Variants in PIK3R6 observed in about 807,000 individuals in gnomAD.
PIK3R6 encodes phosphoinositide-3-kinase regulatory subunit 6, also known as phosphoinositide 3-kinase regulatory subunit 6.
PIK3R6 carries 91 observed loss-of-function variants against 84.9 expected under a neutral mutation model. The ratio of observed to expected loss-of-function variants is 1.07; its 90% CI spans 0.90 to 1.28. The LOEUF (loss-of-function observed/expected upper bound fraction) is 1.28, where lower values mean the gene tolerates loss of function less well. Ranked by LOEUF, PIK3R6 falls within the 50% of genes most tolerant of loss-of-function variation. PIK3R6 has a pLI of 0.00. For missense variants in PIK3R6, 996 were observed against 985.1 expected, an observed-to-expected ratio of 1.01 and a Z score of -0.15; for synonymous variants, 416 against 411.4, an observed-to-expected ratio of 1.01 and a Z score of -0.13.
rs2088486040 is a variant in PIK3R6, at chr17:8,836,874, G to T, written c.308C>A (p.Thr103Lys). The change falls in exon 6 of 20, where the codon ACA becomes AAA. Residue 103 changes from threonine (T) to lysine (K), a missense_variant. Coordinates refer to ENST00000619866, the MANE Select transcript of PIK3R6 (RefSeq NM_001010855.4). ...GGGGGTGGGCAGGGTCAGTAACCTT[G>T]TGCAAAAGGCATAGATTCTCTGGTA... is the stretch of plus-strand genomic sequence containing the variant. ...ELYQRIYAFCTRLLTLPTPYC... is the reference protein window; with the variant it reads ...ELYQRIYAFCKRLLTLPTPYC... 1 of 1,565,430 alleles carries T rather than the reference G, an allele frequency of 6.4e-7. No individual in the cohort carries two copies. The highest frequency in any genetic ancestry group is 8.7e-7 in the Non-Finnish European group (1 of 1,154,742).
chr17:8,829,454 CCACA>C (rs770578171), intron 10 of PIK3R6, among the ~76,000 whole-genome samples: 2 of 137,996 alleles, frequency 1.4e-5, no homozygotes, highest in Non-Finnish European at 3.1e-5. Flanking sequence ...TGACACGCAT[CCACA>C]CACATACACT....
intron 8 of PIK3R6, among the ~76,000 whole-genome samples, chr17:8,834,684 C>T (rs1010153300): frequency 6.6e-6 from 1 of 152,064 alleles, no homozygotes. Context: ...TGAACCACCA[C>T]ACCAGGCTCT....
At chr17:8,857,715 A>G (rs534256059) in intron 1 of PIK3R6, among the ~76,000 whole-genome samples, 17 of 152,214 alleles carry the variant, frequency 1.1e-4, no homozygotes, top group Admixed American at 2.6e-4. Flanking sequence ...CCTAGCTAAC[A>G]TGGTGAAACC....
At chr17:8,837,941 T>A in intron 4 of PIK3R6, 70 bp from the exon 5 acceptor site, 1 of 1,409,608 alleles carries the variant, frequency 7.1e-7, no homozygotes, top group Non-Finnish European at 1.0e-6. Flanking sequence ...GGAGGCAGTC[T>A]AGGCTGGGAG....
chr17:8,828,063 C>T (rs2088007208), intron 12 of PIK3R6, 49 bp downstream of exon 12: 2 of 1,572,686 alleles, frequency 1.3e-6, no homozygotes, highest in Non-Finnish European at 1.7e-6. Context: ...TGTCCCTGCC[C>T]AGCCTGCCCT....
intron 18 of PIK3R6, among the ~76,000 whole-genome samples, chr17:8,817,280 T>C (rs1439017595): frequency 6.6e-6 from 1 of 152,166 alleles, no homozygotes. Flanking sequence ...TTGGGACTAC[T>C]AGTGAAAGTA....
intron 18 of PIK3R6, among the ~76,000 whole-genome samples, chr17:8,805,393 C>T (rs559677753): frequency 2.6e-5 from 4 of 152,276 alleles, no homozygotes; most frequent in East Asian, 1.9e-4. Context: ...GCAATGAAGT[C>T]CCAGGTGTCA....
intron 1 of PIK3R6, among the ~76,000 whole-genome samples, chr17:8,856,834 A>G (rs894461918): frequency 2.0e-5 from 3 of 151,806 alleles, no homozygotes; most frequent in African/African-American, 7.3e-5. Flanking sequence ...CTTATTTTTT[A>G]CTGTGTAACA....
At position 8,839,728 on chromosome 17, in the gene PIK3R6, A is replaced by C; in HGVS notation, c.14-31T>G. On this transcript the variant is annotated intron_variant, in intron 2 of 19. Transcript: ENST00000619866. This position sits in a 1 kb window ranked among gnomAD's most constrained non-coding sequence, Gnocchi z 4.2. The stretch of plus-strand genomic sequence containing the variant: ...CAGTGGTAGGGGTGGGAGGAAACTC[A>C]GTCCACTGAACCTCACCCTCGTCCC... 2 of 1,524,480 alleles carry C rather than the reference A, an allele frequency of 1.3e-6. No homozygotes were observed. The highest frequency in any genetic ancestry group is 1.8e-6 in the Non-Finnish European group (2 of 1,123,528). 94.4% of individuals were successfully genotyped at this position (1,524,480 alleles called of 1,614,324 possible).
chr17:8,860,226 G>C (rs1229212002), intron 1 of PIK3R6, among the ~76,000 whole-genome samples: 1 of 152,096 alleles, frequency 6.6e-6, no homozygotes, highest in Non-Finnish European at 1.5e-5. Flanking sequence ...TAGGAACTAG[G>C]GACACAGCAG....
chr17:8,829,621 T>G (rs1006093902), intron 10 of PIK3R6, 85 bp downstream of exon 10: 1 of 1,317,348 alleles, frequency 7.6e-7, no homozygotes, highest in Non-Finnish European at 1.0e-6. Flanking sequence ...GACACACGCA[T>G]GCACACTGAC....
At chr17:8,859,299 C>T (rs2089215538) in intron 1 of PIK3R6, among the ~76,000 whole-genome samples, 1 of 78 alleles carries the variant, frequency 0.013, no homozygotes, top group Non-Finnish European at 0.026. Flanking sequence ...ATAGTCCTTG[C>T]CCCCTGGGGT....
chr17:8,829,900 ACT>A, intron 9 of PIK3R6, 108 bp from the exon 10 acceptor site: 1 of 800,456 alleles, frequency 1.2e-6, no homozygotes, highest in Non-Finnish European at 1.9e-6. Flanking sequence ...GGTGGCAGGG[ACT>A]CTCTCCTTCA....
At chr17:8,825,574 G>A (rs1352057192) in intron 13 of PIK3R6, among the ~76,000 whole-genome samples, 2 of 152,314 alleles carry the variant, frequency 1.3e-5, no homozygotes. Context: ...TTTAGCAAAT[G>A]ATAAAAGTGG....
In PIK3R6 at chr17:8,853,409, C is replaced by T. The variant is rs1347539475; in HGVS notation, c.-91-3524G>A. Reference sequence around the variant, plus strand: ...CTGAGGCAGGAGAATGGTGTGAACTCGGGCAGTGGAGCTTGCAGTGAGCCG... The same window carrying T: ...CTGAGGCAGGAGAATGGTGTGAACTTGGGCAGTGGAGCTTGCAGTGAGCCG... On this transcript the variant is annotated intron_variant, in intron 1 of 19. Coordinates refer to ENST00000619866, the MANE Select transcript of PIK3R6 (RefSeq NM_001010855.4). 8.2e-5 allele frequency among the ~76,000 whole-genome samples: 12 copies of T among 147,022 alleles called. No homozygotes were observed. The South Asian group carries it at 1.3e-3, about 16-fold the overall frequency.
rs755858086 is a variant in PIK3R6, at chr17:8,828,917, C to A, written c.963G>T (p.Leu321=). 12 of 1,538,344 alleles carry A rather than the reference C, an allele frequency of 7.8e-6. No homozygotes were observed. In the Admixed American group the frequency reaches 2.5e-4, roughly 32 times the overall value. The change falls in exon 11 of 20, where the codon CTG becomes CTT. Residue 321 remains leucine, a synonymous_variant. Transcript: ENST00000619866. ...RLSADLEVLD[L]QGLRPDRELA... ...ACTCCCGGTCCGGCCGGAGGCCCTG[C>A]AGATCCAAGACCTCCAAGTCAGCAC... is the stretch of plus-strand genomic sequence containing the variant.
chr17:8,838,714 C>T, intron 3 of PIK3R6, 59 bp from the exon 4 acceptor site: 1 of 1,488,882 alleles, frequency 6.7e-7, no homozygotes, highest in Non-Finnish European at 9.1e-7. Context: ...AGAGGAGACC[C>T]CTCTGAGCAG....
Position 8,836,791 on chromosome 17 carries a change from C to A in PIK3R6, c.391G>T (p.Gly131Trp). The change falls in exon 6 of 20, where the codon GGG becomes TGG. Residue 131 changes from glycine (G) to tryptophan (W), a missense_variant and splice_region_variant. Transcript: ENST00000619866. ...IRLKTEMAVP[G>W]TLYQRMVIAE... ...GACAAAGATGCCCAGTGACTCTTACCTGGGACAGCCATCTCCGTTTTCAGC... is the reference window on the plus strand; with the variant it reads ...GACAAAGATGCCCAGTGACTCTTACATGGGACAGCCATCTCCGTTTTCAGC... The A allele has an allele frequency of 6.2e-7, 1 of 1,610,240 alleles. No homozygotes were observed. Among genetic ancestry groups the A allele is most frequent in the Non-Finnish European group, 8.5e-7 (1 of 1,178,228 alleles).
chr17:8,829,203 GCACA>G (rs201003788), intron 10 of PIK3R6, among the ~76,000 whole-genome samples: 4 of 128,910 alleles, frequency 3.1e-5, no homozygotes, highest in African/African-American at 9.5e-5. Flanking sequence ...ACACACACGT[GCACA>G]CACACAGACA....
Sources: allele counts gnomAD v4.1 joint callset (sites outside exome capture counted in the v4.1 genomes callset), GRCh38; gene constraint gnomAD v4.1.1; non-coding constraint Gnocchi (gnomAD v3.1); transcripts MANE v1.5; gene names NCBI Gene and HGNC (gene_info 2026-07-23, HGNC 2026-07-21).